The following ST14 variants were observed in gnomAD, a reference collection of about 807,000 sequenced individuals.
ST14 encodes suppressor of tumorigenicity 14 protein.
Under a neutral mutation model 96.5 loss-of-function variants are expected in ST14, and 40 were observed. That is an observed-to-expected ratio of 0.41 (90% confidence interval 0.32 to 0.54). The LOEUF is 0.54. ST14 is among the 20% of genes least tolerant of loss of function. The pLI is 0.17. For synonymous variants in ST14, 506 were observed against 492.1 expected (o/e 1.03, Z -0.37); for missense variants, 1,066 against 1,188.9 (o/e 0.90, Z 1.52).
chr11:130,190,251 A>C, intron 6 of ST14, 103 bp downstream of exon 6: 1 of 1,523,302 alleles, frequency 6.6e-7, no homozygotes, highest in South Asian at 1.1e-5. Flanking sequence ...CTCTGAATGA[A>C]GTATATTATG....
chr11:130,179,931 G>T (rs115212392), intron 1 of ST14, among the ~76,000 whole-genome samples: 1 of 152,138 alleles, frequency 6.6e-6, no homozygotes, highest in Non-Finnish European at 1.5e-5. Context: ...AGGCATCTTC[G>T]ACCTGCCACA....
intron 7 of ST14, among the ~76,000 whole-genome samples, chr11:130,193,078 A>T (rs1953320857): frequency 6.6e-6 from 1 of 150,856 alleles, no homozygotes; most frequent in African/African-American, 2.4e-5. Flanking sequence ...ATAGATTTAA[A>T]AGCACCGAGA....
Position 130,196,392 on chromosome 11 carries a change from G to C in ST14, c.1167G>C (p.Glu389Asp). 1 of 1,609,818 alleles carries C rather than the reference G, an allele frequency of 6.2e-7. No homozygotes were observed. Among genetic ancestry groups the C allele is most frequent in the South Asian group, 1.1e-5 (1 of 89,976 alleles). Reference protein sequence around the residue: ...KVRFKFFYLLEPGVPAGTCPK... With the variant: ...KVRFKFFYLLDPGVPAGTCPK... ...GCTTCAAATTCTTCTACCTGCTGGA[G>C]CCCGGCGTGCCTGCGGGCACCTGCC... The change falls in exon 10 of 19, where the codon GAG becomes GAC. Residue 389 changes from glutamate (E) to aspartate (D), a missense_variant. Transcript: ENST00000278742.
intron 1 of ST14, among the ~76,000 whole-genome samples, chr11:130,171,995 G>A (rs900450085): frequency 6.6e-6 from 1 of 152,228 alleles, no homozygotes; most frequent in African/African-American, 2.4e-5. Context: ...TGTTGGCAGA[G>A]GCTTCGCTGG....
chr11:130,196,821 T>G, intron 11 of ST14, 121 bp downstream of exon 11: 1 of 1,467,824 alleles, frequency 6.8e-7, no homozygotes, highest in Non-Finnish European at 9.5e-7. Context: ...TAAGAGCATC[T>G]CACCCCTCCC....
In ST14 at chr11:130,187,433, C is replaced by T. The variant is rs543679796; in HGVS notation, c.82-681C>T. On this transcript the variant is annotated intron_variant, in intron 1 of 18. Transcript: ENST00000278742. This position sits in a 1 kb window ranked among gnomAD's most constrained non-coding sequence, Gnocchi z 4.5. ...CTTGCTTTTCCCTCTGTTGGGGCTG[C>T]GCGTGGGTGTGGATTCCCACAGTGG... 1.3e-5 allele frequency among the ~76,000 whole-genome samples: 2 copies of T among 152,304 alleles called. No individual in the cohort carries two copies. The highest frequency in any genetic ancestry group is 2.4e-5 in the African/African-American group (1 of 41,570).
chr11:130,182,012 T>A (rs1167785419), intron 1 of ST14, among the ~76,000 whole-genome samples: 6 of 152,046 alleles, frequency 3.9e-5, no homozygotes, highest in Non-Finnish European at 8.8e-5. Flanking sequence ...CTCATGGGAG[T>A]CTCTGTCTTC....
intron 16 of ST14, among the ~76,000 whole-genome samples, chr11:130,204,497 G>T (rs77633749): frequency 3.0e-3 from 460 of 152,310 alleles, no homozygotes; most frequent in African/African-American, 0.01. Flanking sequence ...GTGCGATTCC[G>T]TGGGGAGGTG....
rs2136212207 is a variant in ST14 at position 130,188,943 on chromosome 11, G to A, written c.440+4G>A. The stretch of plus-strand genomic sequence containing the variant: ...AGTCGGCTGTGACGGCCTTCAGGTG[G>A]GTGTGGAGAGAAGGCTCAGTGGGAT... On this transcript the variant is annotated splice_donor_region_variant and intron_variant, in intron 4 of 18. Transcript: ENST00000278742. This position sits in a 1 kb window ranked among gnomAD's most constrained non-coding sequence, Gnocchi z 5.4. The A allele has an allele frequency of 6.2e-7, 1 of 1,607,842 alleles. No homozygotes were observed. The highest frequency in any genetic ancestry group is 1.3e-5 in the African/African-American group (1 of 75,060).
At chr11:130,165,741 T>C (rs1267235595) in intron 1 of ST14, among the ~76,000 whole-genome samples, 1 of 152,198 alleles carries the variant, frequency 6.6e-6, no homozygotes, top group Non-Finnish European at 1.5e-5. Context: ...TGCACTTCAA[T>C]TCCTGACCTC....
At chr11:130,190,364 T>C (rs2136212970) in intron 6 of ST14, 90 bp from the exon 7 acceptor site, 1 of 1,583,262 alleles carries the variant, frequency 6.3e-7, no homozygotes, top group Non-Finnish European at 8.6e-7. Context: ...GGGCGAGGCC[T>C]GAGGTCCACA....
intron 1 of ST14, among the ~76,000 whole-genome samples, chr11:130,183,288 A>C (rs1286721239): frequency 3.9e-5 from 6 of 152,178 alleles, no homozygotes; most frequent in Non-Finnish European, 5.9e-5. Flanking sequence ...ATACACATAC[A>C]TGGTCTGTTC....
chr11:130,167,686 C>G (rs1021201272), intron 1 of ST14, among the ~76,000 whole-genome samples: 1 of 151,952 alleles, frequency 6.6e-6, no homozygotes, highest in African/African-American at 2.4e-5. Flanking sequence ...CAAGGAGATG[C>G]CTGAGCTGAA....
intron 7 of ST14, among the ~76,000 whole-genome samples, chr11:130,193,509 G>A (rs536436725): frequency 2.4e-4 from 36 of 147,402 alleles, no homozygotes; most frequent in African/African-American, 8.5e-4. Flanking sequence ...TCGCTGTGTC[G>A]CCCAGGCTGG....
intron 1 of ST14, among the ~76,000 whole-genome samples, chr11:130,163,901 G>A (rs1405156420): frequency 6.6e-6 from 1 of 152,200 alleles, no homozygotes; most frequent in African/African-American, 2.4e-5. Context: ...CTGTTGCCAC[G>A]TTGTCACCGG....
rs768236790 is a variant in ST14 at position 130,188,098 on chromosome 11, G to A, written c.82-16G>A. 9 of 1,613,844 alleles carry A rather than the reference G, an allele frequency of 5.6e-6. No individual in the cohort carries two copies. The highest frequency in any genetic ancestry group is 2.2e-5 in the East Asian group (1 of 44,852). On this transcript the variant is annotated splice_polypyrimidine_tract_variant and intron_variant, in intron 1 of 18. Coordinates refer to ENST00000278742, the MANE Select transcript of ST14 (RefSeq NM_021978.4). The surrounding 1 kb of genome is among the most constrained non-coding windows in gnomAD (Gnocchi z 5.4). ...CGGGTGAGAGGGTCTGAGTGGTGGCGCCTCTCTCCCTGCAGAAAGTGAATG... is the reference window on the plus strand; with the variant it reads ...CGGGTGAGAGGGTCTGAGTGGTGGCACCTCTCTCCCTGCAGAAAGTGAATG...
At position 130,189,866 on chromosome 11, in the gene ST14, TCC is replaced by T. The variant is rs1953277222; in HGVS notation, c.569_570del (p.Ser190PhefsTer45). On this transcript the variant is annotated frameshift_variant, in exon 5 of 19. Coordinates refer to ENST00000278742, the MANE Select transcript of ST14 (RefSeq NM_021978.4). LOFTEE classifies it high-confidence loss of function. Reference protein sequence around the residue: ...MLPPRARSLKSFVVTSVVAFP... With the variant: ...MLPPRARSLKXFVVTSVVAFP... The stretch of plus-strand genomic sequence containing the variant: ...GCCCCCGCGGGCGCGCTCCCTGAAG[TCC>T]TTTGTGGTCACCTCAGTGGTGGCTT... 1 of 1,613,660 alleles carries T rather than the reference TCC, an allele frequency of 6.2e-7. No individual in the cohort carries two copies. The highest frequency in any genetic ancestry group is 8.5e-7 in the Non-Finnish European group (1 of 1,179,930).
Position 130,189,660 on chromosome 11 carries a change from T to C in ST14, c.441-79T>C, listed in dbSNP as rs767278692. The C allele has an allele frequency of 1.5e-5, 23 of 1,578,778 alleles. No homozygotes were observed. The East Asian group carries it at 1.6e-4, about 11-fold the overall frequency. On this transcript the variant is annotated intron_variant, in intron 4 of 18. Coordinates refer to ENST00000278742, the MANE Select transcript of ST14 (RefSeq NM_021978.4). ...GCCCAGGTGTGCCCCGAGCCGCCCA[T>C]GTGTCCTGGAGTCGCTCTGGGCGCA...
intron 1 of ST14, among the ~76,000 whole-genome samples, chr11:130,184,026 G>T (rs1342854545): frequency 6.6e-6 from 1 of 152,226 alleles, no homozygotes; most frequent in African/African-American, 2.4e-5. Context: ...AAAGAAGCCA[G>T]ATGGAAGAGT....
Sources: allele counts gnomAD v4.1 joint callset (sites outside exome capture counted in the v4.1 genomes callset), GRCh38; gene constraint gnomAD v4.1.1; non-coding constraint Gnocchi (gnomAD v3.1); transcripts MANE v1.5; gene names NCBI Gene and HGNC (gene_info 2026-07-23, HGNC 2026-07-21).